Variants in GCSAML observed in about 807,000 individuals in gnomAD.
The protein encoded by GCSAML is germinal center associated signaling and motility like, also known as germinal center-associated signaling and motility-like protein.
GCSAML carries 9 observed loss-of-function variants against 13.0 expected under a neutral mutation model. The observed-to-expected ratio is 0.69, with a 90% CI of 0.42 to 1.21. The LOEUF (loss-of-function observed/expected upper bound fraction) is 1.21, where lower values mean the gene tolerates loss of function less well. Among genes scored for constraint, GCSAML ranks in the 50% most tolerant of loss-of-function variants. The pLI is 0.00. For missense variants in GCSAML, 143 were observed against 153.4 expected (o/e 0.93, Z 0.36); for synonymous variants, 37 against 52.9 (o/e 0.70, Z 1.31).
chr1:247,532,267 AG>A lies in GCSAML; in HGVS notation c.-148+5214del, dbSNP rs747411778. ...CTGTGGTCCCCAGAGGTTAGCCAGGAGCTGTGGGACAATGCTCGTGGTGAAG... is the reference window on the plus strand; with the variant it reads ...CTGTGGTCCCCAGAGGTTAGCCAGGACTGTGGGACAATGCTCGTGGTGAAG... On this transcript the variant is annotated intron_variant, in intron 2 of 5. Coordinates refer to the GCSAML transcript ENST00000366489. The A allele has an allele frequency of 1.9e-6, 3 of 1,614,158 alleles. No homozygotes were observed. The East Asian group carries it at 6.7e-5, about 36-fold the overall frequency.
At chr1:247,509,998 A>G (rs181742293) in intron 1 of GCSAML, among the ~76,000 whole-genome samples, 55 of 152,356 alleles carry the variant, frequency 3.6e-4, no homozygotes, top group Non-Finnish European at 1.2e-4. Flanking sequence ...TTATGGTATC[A>G]GGATGATGCT....
At chr1:247,517,203 C>G (rs1011789570) in intron 1 of GCSAML, among the ~76,000 whole-genome samples, 21 of 152,186 alleles carry the variant, frequency 1.4e-4, no homozygotes, top group Non-Finnish European at 2.8e-4. Context: ...GAGATTGGAC[C>G]AAATCTTTAA....
chr1:247,527,958 T>C lies in GCSAML; in HGVS notation c.-148+904T>C, dbSNP rs958165359. ...ACTTATTTCTATGAGATCAACCCTTTTTTAGCTTTCACAGATGAATGAGAA... is the reference window on the plus strand; with the variant it reads ...ACTTATTTCTATGAGATCAACCCTTCTTTAGCTTTCACAGATGAATGAGAA... On this transcript the variant is annotated intron_variant, in intron 2 of 5. Transcript: ENST00000366489. This position sits in a 1 kb window ranked among gnomAD's most constrained non-coding sequence, Gnocchi z 4.6. The C allele has an allele frequency of 6.6e-6, 1 of 152,164 alleles. No individual in the cohort carries two copies. Among genetic ancestry groups the C allele is most frequent in the Non-Finnish European group, 1.5e-5 (1 of 68,034 alleles). The allele number at this position is 152,164 out of a possible 1,614,324, so 9.4% of individuals were successfully genotyped here. A position where few individuals can be genotyped will look rare whatever the true frequency, so the allele number is the denominator to read the frequency against.
intron 2 of GCSAML, chr1:247,532,073 A>G (rs373921623): frequency 2.4e-5 from 39 of 1,613,966 alleles, no homozygotes; most frequent in Non-Finnish European, 3.1e-5. Context: ...CAGGAGGCCA[A>G]AGCTAGCCCA....
chr1:247,514,487 ATTTATC>A (rs1666148088), intron 1 of GCSAML, among the ~76,000 whole-genome samples: 2 of 151,980 alleles, frequency 1.3e-5, no homozygotes, highest in Admixed American at 1.3e-4. Context: ...AGTGCTATCT[ATTTATC>A]TTTGTTTTTG....
intron 1 of GCSAML, among the ~76,000 whole-genome samples, chr1:247,516,154 C>T (rs1331459097): frequency 6.6e-6 from 1 of 152,190 alleles, no homozygotes; most frequent in Non-Finnish European, 1.5e-5. Context: ...ACAGTAAGAA[C>T]ACTCATGTCA....
At chr1:247,557,104 C>G (rs1667983349) in intron 2 of GCSAML, among the ~76,000 whole-genome samples, 1 of 152,174 alleles carries the variant, frequency 6.6e-6, no homozygotes, top group South Asian at 2.1e-4. Flanking sequence ...GATAACGTCT[C>G]CTCCTGGAGA....
chr1:247,510,922 T>A (rs1235510861), intron 1 of GCSAML, among the ~76,000 whole-genome samples: 2 of 152,232 alleles, frequency 1.3e-5, no homozygotes, highest in African/African-American at 2.4e-5. Flanking sequence ...TCCAATTATG[T>A]GGTCAATTTT....
chr1:247,542,205 G>T (rs1459154845), intron 2 of GCSAML, among the ~76,000 whole-genome samples: 2 of 152,164 alleles, frequency 1.3e-5, no homozygotes, highest in Non-Finnish European at 2.9e-5. Flanking sequence ...GAGCCCAGGA[G>T]TTCTAAGCTT....
At position 247,549,175 on chromosome 1, in the gene GCSAML, C is replaced by T. The variant is rs763443749; in HGVS notation, c.-17C>T. 40 of 1,613,952 alleles carry T rather than the reference C, an allele frequency of 2.5e-5. No individual in the cohort carries two copies. Among genetic ancestry groups the T allele is most frequent in the African/African-American group, 5.3e-5 (4 of 74,902 alleles). On this transcript the variant is annotated 5_prime_UTR_variant, in exon 1 of 5. Coordinates refer to ENST00000366488, the MANE Select transcript of GCSAML (RefSeq NM_145278.5). ...GAGTGAAACTCAGGAGCTGAGAAAC[C>T]GAGTCACTGTGAAAAGATGGGAAAT...
chr1:247,565,272 C>G (rs1477625666), intron 3 of GCSAML, among the ~76,000 whole-genome samples: 1 of 151,802 alleles, frequency 6.6e-6, no homozygotes, highest in Non-Finnish European at 1.5e-5. Flanking sequence ...GCAGGAGAAT[C>G]GCTTGAACCC....
intron 2 of GCSAML, among the ~76,000 whole-genome samples, chr1:247,534,322 C>T (rs6426254): frequency 0.56 from 85,605 of 151,950 alleles, 24,792 homozygotes; most frequent in Non-Finnish European, 0.65. Flanking sequence ...TATTCATGGA[C>T]GTGCATCATG....
At chr1:247,550,624 A>G (rs534645392) in intron 1 of GCSAML, among the ~76,000 whole-genome samples, 36 of 151,630 alleles carry the variant, frequency 2.4e-4, no homozygotes, top group Middle Eastern at 3.4e-3. Context: ...GCGACAGAGC[A>G]AGACTCTGTC....
intron 2 of GCSAML, among the ~76,000 whole-genome samples, chr1:247,542,709 CT>C (rs1667452089): frequency 6.6e-6 from 1 of 152,186 alleles, no homozygotes; most frequent in South Asian, 2.1e-4. Flanking sequence ...CTAGTCACCC[CT>C]GTGATGTGAA....
chr1:247,539,537 C>T (rs1209276977), intron 2 of GCSAML, among the ~76,000 whole-genome samples: 1 of 152,064 alleles, frequency 6.6e-6, no homozygotes, highest in East Asian at 1.9e-4. Context: ...TTATATATTG[C>T]TTAGCTACGT....
chr1:247,512,537 A>G (rs1666077988), intron 1 of GCSAML, among the ~76,000 whole-genome samples: 2 of 151,860 alleles, frequency 1.3e-5, no homozygotes, highest in South Asian at 4.1e-4. Flanking sequence ...TTCTCTGTCC[A>G]GTTTTGTTCC....
chr1:247,572,206 T>C (rs1668641965), intron 4 of GCSAML, among the ~76,000 whole-genome samples: 3 of 152,176 alleles, frequency 2.0e-5, no homozygotes, highest in East Asian at 1.9e-4. Flanking sequence ...CTCTGTCAAT[T>C]TGACATACTC....
chr1:247,572,257 T>C lies in GCSAML; in HGVS notation c.169-1886T>C, dbSNP rs572407650. Among the ~76,000 whole-genome samples the C allele has an allele frequency of 1.1e-4, 17 of 152,284 alleles. 2 individuals are homozygous for C. In the South Asian group the frequency reaches 2.9e-3, roughly 26 times the overall value. On this transcript the variant is annotated intron_variant, in intron 4 of 4. Transcript: ENST00000366488. ...TTGTTCCCTTGCTGGCGAGGAGTTG[T>C]GATCTTTTGGAGGAGAAGAGGCATT...
At chr1:247,507,641 T>G (rs1475098429) in intron 1 of GCSAML, among the ~76,000 whole-genome samples, 1 of 152,182 alleles carries the variant, frequency 6.6e-6, no homozygotes, top group East Asian at 1.9e-4. Context: ...CCATCTACAT[T>G]AGGTATTTCT....
Sources: allele counts gnomAD v4.1 joint callset (sites outside exome capture counted in the v4.1 genomes callset), GRCh38; gene constraint gnomAD v4.1.1; non-coding constraint Gnocchi (gnomAD v3.1); transcripts MANE v1.5; gene names NCBI Gene and HGNC (gene_info 2026-07-23, HGNC 2026-07-21).